TRPC4AP: variants seen among roughly 807,000 people sequenced by gnomAD.
TRPC4AP encodes transient receptor potential cation channel subfamily C member 4 associated protein, also known as short transient receptor potential channel 4-associated protein.
TRPC4AP carries 45 observed loss-of-function variants against 99.0 expected under a neutral mutation model. The observed-to-expected ratio is 0.45, with a 90% CI of 0.36 to 0.58. The LOEUF (loss-of-function observed/expected upper bound fraction) is 0.58. Among genes scored for constraint, TRPC4AP ranks in the 20% least tolerant of loss-of-function variants. The pLI is 0.00. For synonymous variants in TRPC4AP, 408 were observed against 385.8 expected, an observed-to-expected ratio of 1.06 and a Z score of -0.67; for missense variants, 879 against 985.3, an observed-to-expected ratio of 0.89 and a Z score of 1.44.
Position 35,003,280 on chromosome 20 carries a change from A to C in TRPC4AP, c.2260T>G (p.Ser754Ala). Residue 754 changes from serine (S) to alanine (A), a missense_variant, in exon 19 of 19, where the codon TCC becomes GCC. Ser to Ala is a moderately conservative substitution (Grantham distance 99). Coordinates refer to ENST00000252015, the MANE Select transcript of TRPC4AP (RefSeq NM_015638.3). ...TTCCAGTATGAGAAGCTGATGCAGG[A>C]GCTCTGGGCAAAGAGGGAGGGGCTG... is the stretch of plus-strand genomic sequence containing the variant. ...DKDSTCLENS[S>A]CISFSYWKET... 6.2e-7 allele frequency: 1 copy of C among 1,613,814 alleles called. No homozygotes were observed. Among genetic ancestry groups the C allele is most frequent in the Non-Finnish European group, 8.5e-7 (1 of 1,179,926 alleles).
intron 1 of TRPC4AP, among the ~76,000 whole-genome samples, chr20:35,090,006 G>C (rs1013133588): frequency 2.0e-5 from 3 of 151,638 alleles, no homozygotes. Context: ...TGTAGTCCCA[G>C]CTACTAGGGA....
At chr20:35,047,181 T>A (rs7354143) in intron 6 of TRPC4AP, among the ~76,000 whole-genome samples, 2 of 152,202 alleles carry the variant, frequency 1.3e-5, no homozygotes, top group Non-Finnish European at 2.9e-5. Flanking sequence ...TTACTTCTTA[T>A]GTTTTAATTT....
intron 8 of TRPC4AP, chr20:35,030,355 T>C (rs946397173): frequency 2.0e-5 from 3 of 152,180 alleles, no homozygotes; most frequent in African/African-American, 7.2e-5. Flanking sequence ...ATGTCATCCT[T>C]GCACAGGGGC....
chr20:35,018,640 TAGC>T (rs2082812969), intron 9 of TRPC4AP, among the ~76,000 whole-genome samples: 2 of 114,250 alleles, frequency 1.8e-5, no homozygotes, highest in East Asian at 2.4e-4. Context: ...AGAAAGAAAA[TAGC>T]AGCTTCTTCA....
chr20:35,030,237 A>G (rs1196848162), intron 8 of TRPC4AP: 3 of 80,710 alleles, frequency 3.7e-5, no homozygotes, highest in East Asian at 3.1e-4. Context: ...GCGAAACTCC[A>G]TATCAAAAAA....
At chr20:35,025,559 T>A (rs2083008199) in intron 8 of TRPC4AP, among the ~76,000 whole-genome samples, 1 of 152,222 alleles carries the variant, frequency 6.6e-6, no homozygotes, top group South Asian at 2.1e-4. Flanking sequence ...ATATCTTCTT[T>A]GGAGAAACAT....
At chr20:35,045,439 T>C (rs2147363123) in intron 6 of TRPC4AP, among the ~76,000 whole-genome samples, 1 of 152,244 alleles carries the variant, frequency 6.6e-6, no homozygotes, top group South Asian at 2.1e-4. Context: ...AGTGTCATCA[T>C]AGCTTACTGC....
chr20:35,032,770 C>A (rs2147330634), intron 8 of TRPC4AP, among the ~76,000 whole-genome samples: 1 of 152,248 alleles, frequency 6.6e-6, no homozygotes. Flanking sequence ...ACGCGCCCAG[C>A]CCTTTGATCA....
chr20:35,039,374 C>A (rs1048100013), intron 7 of TRPC4AP, among the ~76,000 whole-genome samples: 1 of 152,200 alleles, frequency 6.6e-6, no homozygotes, highest in African/African-American at 2.4e-5. Context: ...AAAGCTAAGA[C>A]CTTCTCCCCA....
chr20:35,017,424 T>TA (rs1395311029), intron 9 of TRPC4AP, among the ~76,000 whole-genome samples: 4 of 152,358 alleles, frequency 2.6e-5, no homozygotes, highest in African/African-American at 9.6e-5. Flanking sequence ...TACTAATTTA[T>TA]ATCTTTTAAA....
chr20:35,003,946 C>A (rs2082456092), intron 17 of TRPC4AP, among the ~76,000 whole-genome samples: 1 of 152,210 alleles, frequency 6.6e-6, no homozygotes, highest in South Asian at 2.1e-4. Flanking sequence ...GGCGGTTATC[C>A]CGCTTCAGAA....
intron 5 of TRPC4AP, among the ~76,000 whole-genome samples, chr20:35,054,698 CT>C (rs2083785221): frequency 6.6e-6 from 1 of 152,150 alleles, no homozygotes; most frequent in Non-Finnish European, 1.5e-5. Context: ...CACTTGTCAC[CT>C]TTTGACAAGT....
intron 5 of TRPC4AP, among the ~76,000 whole-genome samples, chr20:35,053,221 T>C (rs1240931858): frequency 6.6e-6 from 1 of 152,200 alleles, no homozygotes; most frequent in Non-Finnish European, 1.5e-5. Flanking sequence ...TCTAGCTATT[T>C]TGAAATGTAA....
chr20:35,038,289 T>TTA (rs200832490), intron 7 of TRPC4AP, among the ~76,000 whole-genome samples: 11 of 150,986 alleles, frequency 7.3e-5, no homozygotes, highest in African/African-American at 2.4e-4. Flanking sequence ...TTTTTTTTTT[T>TTA]AACATATCAG....
At chr20:35,007,788 TG>T in intron 13 of TRPC4AP, 148 bp from the exon 14 acceptor site, 1 of 799,294 alleles carries the variant, frequency 1.3e-6, no homozygotes, top group Non-Finnish European at 2.0e-6. Context: ...ATCCTGGGCC[TG>T]GGGACACAGC....
At chr20:35,072,390 T>C (rs2084344088) in intron 2 of TRPC4AP, among the ~76,000 whole-genome samples, 1 of 150,330 alleles carries the variant, frequency 6.7e-6, no homozygotes, top group Non-Finnish European at 1.5e-5. Flanking sequence ...GCCTAGATTT[T>C]CTTCTAGGGT....
chr20:35,028,264 C>T (rs1304227604), intron 8 of TRPC4AP, among the ~76,000 whole-genome samples: 6 of 145,810 alleles, frequency 4.1e-5, no homozygotes, highest in African/African-American at 2.5e-5. Context: ...AGTGTGATCT[C>T]GGCTCACTGC....
chr20:35,013,922 C>G (rs1440014910), intron 10 of TRPC4AP, among the ~76,000 whole-genome samples: 1 of 152,188 alleles, frequency 6.6e-6, no homozygotes, highest in African/African-American at 2.4e-5. Context: ...CCAAGAGCAG[C>G]AGAAACCCTG....
intron 7 of TRPC4AP, among the ~76,000 whole-genome samples, chr20:35,040,419 T>C (rs2147349676): frequency 6.6e-6 from 1 of 152,328 alleles, no homozygotes; most frequent in African/African-American, 2.4e-5. Context: ...TTTCTCCTAC[T>C]GCTCTTGGAT....
Sources: allele counts gnomAD v4.1 joint callset (sites outside exome capture counted in the v4.1 genomes callset), GRCh38; gene constraint gnomAD v4.1.1; transcripts MANE v1.5; gene names NCBI Gene and HGNC (gene_info 2026-07-23, HGNC 2026-07-21).